Variants in EPPK1 observed in about 807,000 individuals in gnomAD.
The protein encoded by EPPK1 is epiplakin 1, also known as epiplakin.
For synonymous variants in EPPK1, 1,862 were observed against 1,721.2 expected (o/e 1.08, Z -2.03); for missense variants, 3,823 against 3,673.3 (o/e 1.04, Z -1.05).
chr8:143,866,752 T>A lies in EPPK1; in HGVS notation c.6502A>T (p.Ser2168Cys), dbSNP rs116388180. ...CCTTGGAACCACAGGTGTTTGTTGC[T>A]GGTTTCCTGCTTCTCGATCAACTCT... Reference protein sequence around the residue: ...ILELIEKQETSNKHLWFQGIR... With the variant: ...ILELIEKQETCNKHLWFQGIR... Residue 2168 changes from serine (S) to cysteine (C), a missense_variant, in exon 2 of 2, where the codon AGC becomes TGC. By Grantham distance (112) the Ser-to-Cys change is moderately radical (BLOSUM62 -1). Transcript: ENST00000615648. The A allele has an allele frequency of 6.8e-6, 11 of 1,613,428 alleles. No individual in the cohort carries two copies. In the African/African-American group the frequency reaches 1.2e-4, roughly 18 times the overall value.
chr8:143,877,929 C>T (rs1001834976), intron 1 of EPPK1, among the ~76,000 whole-genome samples: 3 of 152,050 alleles, frequency 2.0e-5, no homozygotes, highest in Non-Finnish European at 2.9e-5. Flanking sequence ...GAGTGGCCAC[C>T]CCTGGGACCG....
Position 143,869,054 on chromosome 8 carries a change from G to C in EPPK1, c.4200C>G (p.Asn1400Lys). 1 of 1,599,504 alleles carries C rather than the reference G, an allele frequency of 6.3e-7. No individual in the cohort carries two copies. Among genetic ancestry groups the C allele is most frequent in the East Asian group, 2.2e-5 (1 of 44,878 alleles). ...GCGCACTGGGGTCAAAGAAGAACTT[G>C]TTGTCCTTGTCAACTGCAGTCAGCA... Reference protein sequence around the residue: ...SQVLTAVDKDNKFFFDPSARD... With the variant: ...SQVLTAVDKDKKFFFDPSARD... The change falls in exon 2 of 2, where the codon AAC becomes AAG. Residue 1400 changes from asparagine (N) to lysine (K), a missense_variant. Transcript: ENST00000615648.
At position 143,868,781 on chromosome 8, in the gene EPPK1, C is replaced by T. The variant is rs1563882790; in HGVS notation, c.4473G>A (p.Arg1491=). The T allele has an allele frequency of 6.3e-7, 1 of 1,599,118 alleles. No homozygotes were observed. The change falls in exon 2 of 2, where the codon CGG becomes CGA. Residue 1491 remains arginine, a synonymous_variant. Transcript: ENST00000615648. ...GCCGCAGGGCCGCAGCCCTCCCAGACCGACAGAGTGCCACCAGCTCCCGCC... is the reference window on the plus strand; with the variant it reads ...GCCGCAGGGCCGCAGCCCTCCCAGATCGACAGAGTGCCACCAGCTCCCGCC... ...DKRRELVALC[R]SGRAAALRQV...
At chr8:143,878,071 C>T (rs1554662536) in intron 1 of EPPK1, among the ~76,000 whole-genome samples, 2 of 152,214 alleles carry the variant, frequency 1.3e-5, no homozygotes, top group Middle Eastern at 3.4e-3. Flanking sequence ...GCAGAGCGTG[C>T]CCCGGGCGGT....
In EPPK1 at chr8:143,871,367, G is replaced by A. The variant is rs73715515; in HGVS notation, c.1887C>T (p.Ala629=). Residue 629 remains alanine (A), a synonymous_variant, in exon 2 of 2, where the codon GCC becomes GCT. Transcript: ENST00000615648. ...GSQERLSIYE[A]RCKGLLRPGT... is the part of the protein sequence containing the mutation. ...CGGGCCGGAGGAGCCCCTTGCATCG[G>A]GCCTCATAGATGCTCAGGCGTTCCT... The A allele has an allele frequency of 5.1e-3, 8,271 of 1,608,534 alleles. 325 individuals are homozygous for A. In the African/African-American group the frequency reaches 0.089, roughly 17 times the overall value.
At position 143,872,449 on chromosome 8, in the gene EPPK1, C is replaced by G. The variant is rs370393836; in HGVS notation, c.805G>C (p.Val269Leu). 6.3e-7 allele frequency: 1 copy of G among 1,596,370 alleles called. No homozygotes were observed. Among genetic ancestry groups the G allele is most frequent in the Non-Finnish European group, 8.5e-7 (1 of 1,177,230 alleles). The change falls in exon 2 of 2, where the codon GTG becomes CTG. Residue 269 changes from valine (V) to leucine (L), a missense_variant. Transcript: ENST00000615648. ...QGLREGRLAA[V>L]DVSARAEVRR... ...ACCTCGGCACGTGCACTCACGTCCA[C>G]TGCGGCCAGCCTGCCCTCCCGCAGA... is the stretch of plus-strand genomic sequence containing the variant.
At chr8:143,875,428 C>T (rs1435453649) in intron 1 of EPPK1, among the ~76,000 whole-genome samples, 7 of 152,250 alleles carry the variant, frequency 4.6e-5, no homozygotes, top group Non-Finnish European at 8.8e-5. Flanking sequence ...GCCTCAGACA[C>T]GGAGCTGGGA....
Position 143,873,175 on chromosome 8 carries a change from C to T in EPPK1, c.79G>A (p.Ala27Thr), listed in dbSNP as rs569649339. Residue 27 changes from alanine to threonine, a missense_variant, in exon 2 of 2, where the codon GCA becomes ACA. Coordinates refer to ENST00000615648, the MANE Select transcript of EPPK1 (RefSeq NM_031308.4). ...GGCGTGCCGGCTCCCAGCGTGGCTG[C>T]CATGGCTCTGGGTACACTGGCCTGC... Reference protein sequence around the residue: ...TEQASVPRAMAATLGAGTPPR... With the variant: ...TEQASVPRAMTATLGAGTPPR... 4.1e-5 allele frequency: 65 copies of T among 1,595,834 alleles called. No individual in the cohort carries two copies. In the South Asian group the frequency reaches 6.8e-4, roughly 17 times the overall value.
In EPPK1 at chr8:143,872,938, GCC is replaced by G. The variant is rs781831326; in HGVS notation, c.314_315del (p.Gly105AlafsTer11). 3.7e-6 allele frequency: 6 copies of G among 1,610,214 alleles called. No homozygotes were observed. The highest frequency in any genetic ancestry group is 4.2e-6 in the Non-Finnish European group (5 of 1,178,168). On this transcript the variant is annotated frameshift_variant, in exon 2 of 2. Coordinates refer to ENST00000615648, the MANE Select transcript of EPPK1 (RefSeq NM_031308.4). LOFTEE classifies it low-confidence loss of function (END_TRUNC). Reference sequence around the variant, plus strand: ...GCCAGCAGCTTCTCCTTCAGCTCCAGCCCCACCAGACCCTGCTGCAGGGCCTT... The same window carrying G: ...GCCAGCAGCTTCTCCTTCAGCTCCAGCCACCAGACCCTGCTGCAGGGCCTT... ...VSKALQQGLV[G>X]LELKEKLLAA...
In EPPK1 at chr8:143,867,458, C is replaced by T. The variant is rs1402021011; in HGVS notation, c.5796G>A (p.Glu1932=). 1 of 1,612,706 alleles carries T rather than the reference C, an allele frequency of 6.2e-7. No homozygotes were observed. Among genetic ancestry groups the T allele is most frequent in the Non-Finnish European group, 8.5e-7 (1 of 1,179,850 alleles). ...IPAAFATWLL[E]AQAATGFLLD... The stretch of plus-strand genomic sequence containing the variant: ...GGAGGAACCCGGTGGCGGCCTGCGC[C>T]TCCAGCAGCCAAGTCGCAAATGCTG... The change falls in exon 2 of 2, where the codon GAG becomes GAA. Residue 1932 remains glutamate (E), a synonymous_variant. Transcript: ENST00000615648.
rs782042763 is a variant in EPPK1, at chr8:143,870,956, G to A, written c.2298C>T (p.Gly766=). 51 of 1,613,408 alleles carry A rather than the reference G, an allele frequency of 3.2e-5. No homozygotes were observed. In the Admixed American group the frequency reaches 8.0e-4, roughly 25 times the overall value. Reference sequence around the variant, plus strand: ...TCTCGTGCGTGTTGGGGTCGAAGAAGCCCTTGGTGTCGTCAGAAGGGTCCA... The same window carrying A: ...TCTCGTGCGTGTTGGGGTCGAAGAAACCCTTGGTGTCGTCAGAAGGGTCCA... ...ILLDPSDDTK[G]FFDPNTHENL... is the part of the protein sequence containing the mutation. Residue 766 remains glycine, a synonymous_variant, in exon 2 of 2, where the codon GGC becomes GGT. Transcript: ENST00000615648. The surrounding 1 kb of genome is among the most constrained non-coding windows in gnomAD (Gnocchi z 5.2).
At chr8:143,876,103 C>T (rs1408745283) in intron 1 of EPPK1, among the ~76,000 whole-genome samples, 1 of 152,216 alleles carries the variant, frequency 6.6e-6, no homozygotes, top group Non-Finnish European at 1.5e-5. Context: ...GCTCCCAGGC[C>T]CATCATGTCC....
intron 1 of EPPK1, among the ~76,000 whole-genome samples, chr8:143,878,075 G>A (rs1168384195): frequency 7.2e-5 from 11 of 152,022 alleles, no homozygotes; most frequent in Non-Finnish European, 1.6e-4. Context: ...AGCGTGCCCC[G>A]GGCGGTCCTC....
intron 1 of EPPK1, among the ~76,000 whole-genome samples, chr8:143,877,650 G>A (rs1819507380): frequency 6.6e-6 from 1 of 152,152 alleles, no homozygotes; most frequent in Non-Finnish European, 1.5e-5. Flanking sequence ...GCCTGAGTCA[G>A]GTCAGGACAG....
chr8:143,870,120 G>A lies in EPPK1; in HGVS notation c.3134C>T (p.Ala1045Val). 6.2e-7 allele frequency: 1 copy of A among 1,611,368 alleles called. No homozygotes were observed. Among genetic ancestry groups the A allele is most frequent in the Non-Finnish European group, 8.5e-7 (1 of 1,179,308 alleles). The change falls in exon 2 of 2, where the codon GCC becomes GTC. Residue 1045 changes from alanine to valine, a missense_variant. Transcript: ENST00000615648. The surrounding 1 kb of genome is among the most constrained non-coding windows in gnomAD (Gnocchi z 5.2). ...QAARLLEAQV[A>V]TGGIIDPTSH... The stretch of plus-strand genomic sequence containing the variant: ...GGTGGGGTCAATGATCCCTCCTGTG[G>A]CCACTTGAGCCTCCAGGAGGCGGGC...
At position 143,871,995 on chromosome 8, in the gene EPPK1, C is replaced by A. The variant is rs782461314; in HGVS notation, c.1259G>T (p.Arg420Leu). The change falls in exon 2 of 2, where the codon CGC becomes CTC. Residue 420 changes from arginine to leucine, a missense_variant. Physicochemically the swap from Arg to Leu is moderately radical, Grantham distance 102. Coordinates refer to ENST00000615648, the MANE Select transcript of EPPK1 (RefSeq NM_031308.4). ...AGTGTCTTCATCCAGGCAGCCGCAG[C>A]GCAGGGCGGCCTCCAGGGGCAGCCG... The part of the protein sequence containing the change: ...RLRLPLEAAL[R>L]CGCLDEDTQR... 13 of 1,581,932 alleles carry A rather than the reference C, an allele frequency of 8.2e-6. No homozygotes were observed. The highest frequency in any genetic ancestry group is 1.1e-5 in the Non-Finnish European group (13 of 1,168,098).
Position 143,866,830 on chromosome 8 carries a change from T to G in EPPK1, c.6424A>C (p.Met2142Leu), listed in dbSNP as rs782704141. The change falls in exon 2 of 2, where the codon ATG (methionine) becomes CTG (leucine). Residue 2142 changes from methionine (M) to leucine (L), a missense_variant. Met to Leu is a conservative substitution (Grantham distance 15). Coordinates refer to ENST00000615648, the MANE Select transcript of EPPK1 (RefSeq NM_031308.4). ...TEEKKLQLVR[M>L]YRTHTRRALQ... Reference sequence around the variant, plus strand: ...GCCCGTCTGGTGTGTGTTCTATACATCCTCACCAGCTGGAGCTTCTTCTCC... The same window carrying G: ...GCCCGTCTGGTGTGTGTTCTATACAGCCTCACCAGCTGGAGCTTCTTCTCC... 4.3e-6 allele frequency: 7 copies of G among 1,613,406 alleles called. No individual in the cohort carries two copies. The highest frequency in any genetic ancestry group is 5.1e-6 in the Non-Finnish European group (6 of 1,179,856).
intron 1 of EPPK1, among the ~76,000 whole-genome samples, chr8:143,874,237 T>C (rs1819437965): frequency 6.6e-6 from 1 of 152,156 alleles, no homozygotes; most frequent in Non-Finnish European, 1.5e-5. Flanking sequence ...CTCACCTCCA[T>C]CCCCACCACT....
chr8:143,866,771 C>T lies in EPPK1; in HGVS notation c.6483G>A (p.Leu2161=). 1 of 1,613,534 alleles carries T rather than the reference C, an allele frequency of 6.2e-7. No individual in the cohort carries two copies. Among genetic ancestry groups the T allele is most frequent in the Non-Finnish European group, 8.5e-7 (1 of 1,179,880 alleles). Residue 2161 remains leucine, a synonymous_variant, in exon 2 of 2, where the codon TTG becomes TTA. Transcript: ENST00000615648. The stretch of plus-strand genomic sequence containing the variant: ...TGTTGCTGGTTTCCTGCTTCTCGAT[C>T]AACTCTAAGATGAGCTGCGCTACCG... ...LQTVAQLILE[L]IEKQETSNKH... is the part of the protein sequence containing the mutation.
Sources: gnomAD v4.1 joint callset for allele counts (sites outside exome capture counted in the v4.1 genomes callset) on GRCh38, gnomAD v4.1.1 for gene constraint, Gnocchi (gnomAD v3.1) non-coding constraint, MANE v1.5 for transcripts, NCBI Gene and HGNC (gene_info 2026-07-23, HGNC 2026-07-21) for gene names.